SLC37A3: variants seen among roughly 807,000 people sequenced by gnomAD.
The protein encoded by SLC37A3 is sugar phosphate exchanger 3.
A neutral mutation model predicts 67.1 loss-of-function variants in SLC37A3; 51 were observed. The observed-to-expected ratio is 0.76, with a 90% CI of 0.61 to 0.96. The LOEUF (loss-of-function observed/expected upper bound fraction) is 0.96, where lower values mean the gene tolerates loss of function less well. SLC37A3 is among the 40% of genes least tolerant of loss of function. The pLI, the probability that SLC37A3 is intolerant of heterozygous loss-of-function variation, is 0.00. For missense variants in SLC37A3, 508 were observed against 603.0 expected, an observed-to-expected ratio of 0.84 and a Z score of 1.65; for synonymous variants, 214 against 231.4, an observed-to-expected ratio of 0.92 and a Z score of 0.68.
intron 3 of SLC37A3, among the ~76,000 whole-genome samples, chr7:140,377,248 G>C (rs12673021): frequency 0.39 from 59,009 of 150,440 alleles, 12,263 homozygotes; most frequent in East Asian, 0.47. Context: ...CATTTTTGTA[G>C]AGACGGTGGT....
intron 1 of SLC37A3, among the ~76,000 whole-genome samples, chr7:140,385,852 G>C (rs1462157275): frequency 6.6e-6 from 1 of 151,736 alleles, no homozygotes; most frequent in Non-Finnish European, 1.5e-5. Context: ...GCACGATCTC[G>C]GCCCACTGCA....
intron 3 of SLC37A3, among the ~76,000 whole-genome samples, chr7:140,376,518 A>G (rs550798645): frequency 6.6e-6 from 1 of 152,238 alleles, no homozygotes; most frequent in East Asian, 1.9e-4. Context: ...AAGCTACTAC[A>G]CTTGCTCGAT....
At chr7:140,351,722 G>A (rs1315288567) in intron 8 of SLC37A3, 1 of 560,646 alleles carries the variant, frequency 1.8e-6, no homozygotes, top group Non-Finnish European at 3.2e-6. Flanking sequence ...TCTTTTTTGT[G>A]CATCATTTTT....
rs564675802 is a variant in SLC37A3 at position 140,355,784 on chromosome 7, G to C, written c.522-20C>G. On this transcript the variant is annotated intron_variant, in intron 6 of 14. Transcript: ENST00000326232. ...CCTCGTCTAAGATGGAAAACAGTGG[G>C]AGACAAAGGGCCATGGTCAGAAGAG... 1.6e-5 allele frequency: 26 copies of C among 1,603,318 alleles called. No individual in the cohort carries two copies. The highest frequency in any genetic ancestry group is 2.1e-5 in the Non-Finnish European group (24 of 1,170,324).
At chr7:140,357,343 C>T (rs1797071157) in intron 6 of SLC37A3, among the ~76,000 whole-genome samples, 1 of 152,184 alleles carries the variant, frequency 6.6e-6, no homozygotes, top group African/African-American at 2.4e-5. Context: ...TTCCCAGGAG[C>T]TTTATTTGTA....
At chr7:140,398,339 C>T (rs1799023863) in intron 1 of SLC37A3, 77 bp downstream of exon 1, 1 of 152,258 alleles carries the variant, frequency 6.6e-6, no homozygotes, top group Admixed American at 6.5e-5. Flanking sequence ...ACCGCCCTCC[C>T]GACCCGGGAA....
chr7:140,368,216 C>T (rs189401450), intron 4 of SLC37A3, among the ~76,000 whole-genome samples: 66 of 152,246 alleles, frequency 4.3e-4, no homozygotes, highest in African/African-American at 1.6e-3. Flanking sequence ...TCCCCGCCCT[C>T]GCCTGTTCTC....
chr7:140,362,013 C>T (rs1226360303), intron 5 of SLC37A3, among the ~76,000 whole-genome samples: 4 of 126,398 alleles, frequency 3.2e-5, no homozygotes, highest in African/African-American at 8.9e-5. Context: ...GGCCCCCCAT[C>T]GTCTGGGATA....
At chr7:140,359,342 CAA>C (rs11389043) in intron 5 of SLC37A3, among the ~76,000 whole-genome samples, 15 of 116,808 alleles carry the variant, frequency 1.3e-4, no homozygotes, top group South Asian at 2.7e-4. Context: ...GACTCTGTCT[CAA>C]AAAAAAAAAA....
intron 13 of SLC37A3, among the ~76,000 whole-genome samples, chr7:140,340,860 A>C (rs1224929913): frequency 2.0e-5 from 3 of 152,026 alleles, no homozygotes; most frequent in Admixed American, 6.6e-5. Context: ...GAGTCCCAGA[A>C]GGCAGAGGTT....
chr7:140,374,187 T>A (rs1177953042), intron 3 of SLC37A3, among the ~76,000 whole-genome samples: 1 of 151,928 alleles, frequency 6.6e-6, no homozygotes, highest in Non-Finnish European at 1.5e-5. Flanking sequence ...CTGAGATGGG[T>A]TGTTACAGAA....
At chr7:140,387,371 TG>T (rs2129885850) in intron 1 of SLC37A3, among the ~76,000 whole-genome samples, 1 of 151,632 alleles carries the variant, frequency 6.6e-6, no homozygotes, top group Admixed American at 6.6e-5. Flanking sequence ...CCCAGCCCTT[TG>T]GGAGGCCAAG....
At chr7:140,393,591 T>C (rs946109978) in intron 1 of SLC37A3, among the ~76,000 whole-genome samples, 3 of 152,336 alleles carry the variant, frequency 2.0e-5, no homozygotes, top group Middle Eastern at 3.4e-3. Context: ...GTTTTTGTCC[T>C]GCTTCTTGGC....
rs771118048 is a variant in SLC37A3, at chr7:140,352,063, A to C, written c.702T>G (p.Ile234Met). ...FFGLLVSPEE[I>M]GLSGIEAEEN... ...ATAGAAGGGGCGGCTTCTCCTCACC[A>C]ATTTCTTCTGGTGACACCAGGAGTC... Residue 234 changes from isoleucine to methionine, a missense_variant and splice_region_variant, in exon 8 of 15, where the codon ATT becomes ATG. Coordinates refer to ENST00000326232, the MANE Select transcript of SLC37A3 (RefSeq NM_207113.3). 6.2e-7 allele frequency: 1 copy of C among 1,610,900 alleles called. No homozygotes were observed. Among genetic ancestry groups the C allele is most frequent in the East Asian group, 2.2e-5 (1 of 44,872 alleles).
chr7:140,380,704 G>A (rs1027472313), intron 2 of SLC37A3, among the ~76,000 whole-genome samples: 9 of 151,800 alleles, frequency 5.9e-5, no homozygotes, highest in Admixed American at 1.3e-4. Context: ...ACCACGCCCA[G>A]TGCACCTGTC....
chr7:140,340,654 G>A (rs923130146), intron 13 of SLC37A3, among the ~76,000 whole-genome samples: 3 of 150,962 alleles, frequency 2.0e-5, no homozygotes, highest in African/African-American at 7.3e-5. Flanking sequence ...TCTTGTCCAG[G>A]CAAGTGGCTC....
chr7:140,353,720 GT>G (rs111484557), intron 7 of SLC37A3, among the ~76,000 whole-genome samples: 4 of 146,086 alleles, frequency 2.7e-5, no homozygotes, highest in African/African-American at 1.0e-4. Flanking sequence ...GTTTTGTTTT[GT>G]TTTTTTTTTG....
At chr7:140,338,517 G>A (rs1796232568) in intron 13 of SLC37A3, among the ~76,000 whole-genome samples, 1 of 152,106 alleles carries the variant, frequency 6.6e-6, no homozygotes, top group Non-Finnish European at 1.5e-5. Context: ...TGTCACCTAG[G>A]CTGGAGTGCA....
intron 1 of SLC37A3, among the ~76,000 whole-genome samples, chr7:140,384,607 T>C (rs768420575): frequency 8.6e-5 from 13 of 151,248 alleles, no homozygotes; most frequent in Non-Finnish European, 1.6e-4. Flanking sequence ...TGGTCCCAGC[T>C]ACTCAGGAGG....
Sources: gnomAD v4.1 joint callset for allele counts (sites outside exome capture counted in the v4.1 genomes callset) on GRCh38, gnomAD v4.1.1 for gene constraint, MANE v1.5 for transcripts, NCBI Gene and HGNC (gene_info 2026-07-23, HGNC 2026-07-21) for gene names.